TFB1M: variants seen among roughly 807,000 people sequenced by gnomAD.
The protein encoded by TFB1M is transcription factor B1, mitochondrial, also known as dimethyladenosine transferase 1, mitochondrial.
A neutral mutation model predicts 31.1 loss-of-function variants in TFB1M; 27 were observed. The ratio of observed to expected loss-of-function variants is 0.87; its 90% confidence interval spans 0.64 to 1.20. The LOEUF (loss-of-function observed/expected upper bound fraction) is 1.20, where lower values mean the gene tolerates loss of function less well. TFB1M is among the 50% of genes most tolerant of loss of function. The pLI, the probability that TFB1M is intolerant of heterozygous loss-of-function variation, is 0.00. For missense variants in TFB1M, 394 were observed against 418.7 expected (o/e 0.94, Z 0.51); for synonymous variants, 166 against 151.8 (o/e 1.09, Z -0.69).
chr6:155,254,494 G>A (rs1783878279), downstream of TFB1M: 1 of 1,614,186 alleles, frequency 6.2e-7, no homozygotes, highest in South Asian at 1.1e-5. Flanking sequence ...GTCACATAAA[G>A]TGTGAATTAC....
chr6:155,253,289 A>G (rs1036968278), downstream of TFB1M: 3 of 506,526 alleles, frequency 5.9e-6, no homozygotes, highest in Admixed American at 3.4e-5. Context: ...TATTTTCCCT[A>G]TCAATAGTTT....
the TFB1M span, among the ~76,000 whole-genome samples, chr6:155,242,209 G>C: frequency 6.6e-6 from 1 of 152,212 alleles, no homozygotes; most frequent in South Asian, 2.1e-4. Flanking sequence ...CTCCCAGGCA[G>C]CACCAGCCTG....
At chr6:155,285,030 GAAGTA>G (rs1776563534) in intron 5 of TFB1M, 123 bp downstream of exon 5, 5 of 1,234,090 alleles carry the variant, frequency 4.1e-6, no homozygotes, top group Non-Finnish European at 5.9e-6. Context: ...TTCTTATTCA[GAAGTA>G]AAGTACAGTG....
At position 155,311,317 on chromosome 6, in the gene TFB1M, G is replaced by A; in HGVS notation, c.156C>T (p.Gly52=). ...RLTDKIVRKA[G]NLTNAYVYEV... is the part of the protein sequence containing the mutation. ...CGTAAACATAAGCATTTGTCAGATT[G>A]CCAGCTTTCCTTACAATCTTATCTA... The change falls in exon 2 of 7, where the codon GGC becomes GGT. Residue 52 remains glycine (G), a synonymous_variant. Coordinates refer to ENST00000367166, the MANE Select transcript of TFB1M (RefSeq NM_016020.4). The A allele has an allele frequency of 1.9e-6, 3 of 1,613,846 alleles. No individual in the cohort carries two copies. The highest frequency in any genetic ancestry group is 2.5e-6 in the Non-Finnish European group (3 of 1,179,796).
At chr6:155,285,375 T>C in intron 4 of TFB1M, 98 bp from the exon 5 acceptor site, 1 of 1,450,356 alleles carries the variant, frequency 6.9e-7, no homozygotes, top group Non-Finnish European at 9.5e-7. Flanking sequence ...CTAGGTGGAC[T>C]TTTTGAGGCA....
chr6:155,262,599 G>C (rs1379126583), intron 5 of TFB1M, among the ~76,000 whole-genome samples: 1 of 152,106 alleles, frequency 6.6e-6, no homozygotes, highest in Non-Finnish European at 1.5e-5. Context: ...AATACTCTTA[G>C]CAAAATCTGA....
chr6:155,277,617 TA>T (rs1785281797), intron 5 of TFB1M, among the ~76,000 whole-genome samples: 1 of 152,202 alleles, frequency 6.6e-6, no homozygotes, highest in South Asian at 2.1e-4. Flanking sequence ...TTTTACTGGG[TA>T]GACATTCTCT....
Position 155,305,211 on chromosome 6 carries a change from A to G in TFB1M, c.285+5977T>C, listed in dbSNP as rs1239620744. On this transcript the variant is annotated intron_variant, in intron 2 of 6. Transcript: ENST00000367166. ...AATTATATATTTATATATATATTAAATTATATATTTATATATATATATTAA... is the reference window on the plus strand; with the variant it reads ...AATTATATATTTATATATATATTAAGTTATATATTTATATATATATATTAA... 8.6e-5 allele frequency among the ~76,000 whole-genome samples: 4 copies of G among 46,722 alleles called. 1 individual carries two copies. Among genetic ancestry groups the G allele is most frequent in the South Asian group, 2.2e-3 (2 of 906 alleles). 30.7% of individuals were successfully genotyped at this position (46,722 alleles called of 152,430 possible). A position where few individuals can be genotyped will look rare whatever the true frequency, so the allele number is the denominator to read the frequency against.
the TFB1M span, among the ~76,000 whole-genome samples, chr6:155,236,575 AT>A: frequency 6.6e-6 from 1 of 152,278 alleles, no homozygotes; most frequent in South Asian, 2.1e-4. Flanking sequence ...AGGCAGGAGA[AT>A]TGCTTGCACC....
chr6:155,236,532 G>A, the TFB1M span, among the ~76,000 whole-genome samples: 1 of 152,008 alleles, frequency 6.6e-6, no homozygotes, highest in Non-Finnish European at 1.5e-5. Context: ...GTGTGGTGGT[G>A]GGCACTTGTA....
intron 2 of TFB1M, among the ~76,000 whole-genome samples, chr6:155,305,610 T>A (rs868760996): frequency 5.4e-5 from 4 of 74,178 alleles, no homozygotes; most frequent in African/African-American, 2.0e-4. Flanking sequence ...TAAATATATA[T>A]ATATTAAATT....
chr6:155,280,722 C>T (rs1785459177), intron 5 of TFB1M, among the ~76,000 whole-genome samples: 1 of 152,138 alleles, frequency 6.6e-6, no homozygotes, highest in Admixed American at 6.5e-5. Context: ...GAAATAACAT[C>T]CTCAATGTCA....
chr6:155,261,658 C>T (rs1385067725), intron 5 of TFB1M, among the ~76,000 whole-genome samples: 2 of 152,184 alleles, frequency 1.3e-5, no homozygotes, highest in African/African-American at 4.8e-5. Context: ...AGGCCCCGGA[C>T]CCCTGAGAGC....
intron 5 of TFB1M, among the ~76,000 whole-genome samples, chr6:155,270,785 G>A (rs1337621651): frequency 6.6e-6 from 1 of 152,164 alleles, no homozygotes; most frequent in African/African-American, 2.4e-5. Flanking sequence ...AAGCCAGGAC[G>A]CTGGAGGGCC....
chr6:155,260,606 C>A (rs568730097), intron 5 of TFB1M: 1 of 642,920 alleles, frequency 1.6e-6, no homozygotes, highest in East Asian at 2.9e-5. Context: ...CAGCCGGCTG[C>A]ACCTGTTCTC....
chr6:155,246,649 G>A, the TFB1M span, among the ~76,000 whole-genome samples: 19 of 152,022 alleles, frequency 1.2e-4, no homozygotes, highest in Non-Finnish European at 7.4e-5. Context: ...AAGCACCTTT[G>A]TATTGACAGT....
intron 5 of TFB1M, among the ~76,000 whole-genome samples, chr6:155,272,309 A>C (rs984989847): frequency 2.6e-5 from 4 of 152,230 alleles, no homozygotes; most frequent in Admixed American, 6.5e-5. Flanking sequence ...TTTTTGATAT[A>C]AATAAACCTT....
the TFB1M span, among the ~76,000 whole-genome samples, chr6:155,241,024 A>G: frequency 5.9e-5 from 9 of 152,292 alleles, no homozygotes; most frequent in South Asian, 8.3e-4. Flanking sequence ...GTATAAGGGG[A>G]GAGAGATCAC....
intron 4 of TFB1M, among the ~76,000 whole-genome samples, chr6:155,292,708 T>G (rs369922239): frequency 5.3e-5 from 8 of 151,786 alleles, no homozygotes; most frequent in Admixed American, 5.2e-4. Flanking sequence ...TGTCAGAAAT[T>G]ATCAGGCTTT....
Sources: gnomAD v4.1 joint callset for allele counts (sites outside exome capture counted in the v4.1 genomes callset) on GRCh38, gnomAD v4.1.1 for gene constraint, MANE v1.5 for transcripts, NCBI Gene and HGNC (gene_info 2026-07-23, HGNC 2026-07-21) for gene names.